Variants in SP140 observed in about 807,000 individuals in gnomAD.
SP140 encodes the protein nuclear body protein SP140.
In SP140, 81 loss-of-function variants were observed where a neutral mutation model predicts 125.0. The observed-to-expected ratio is 0.65, with a 90% CI of 0.54 to 0.78. The LOEUF is 0.78. Ranked by LOEUF, SP140 falls within the 30% of genes least tolerant of loss-of-function variation. The pLI is 0.00. For missense variants in SP140, 858 were observed against 1,037.0 expected (o/e 0.83, Z 2.37); for synonymous variants, 312 against 354.0 (o/e 0.88, Z 1.33).
chr2:230,281,632 A>G (rs555707609), intron 15 of SP140, among the ~76,000 whole-genome samples: 1 of 152,298 alleles, frequency 6.6e-6, no homozygotes, highest in East Asian at 1.9e-4. Flanking sequence ...TTGGCTTTTA[A>G]AAAACTTTAT....
intron 15 of SP140, among the ~76,000 whole-genome samples, chr2:230,282,341 A>G (rs1268883204): frequency 6.6e-6 from 1 of 152,138 alleles, no homozygotes; most frequent in Non-Finnish European, 1.5e-5. Flanking sequence ...CCTTGAAGTG[A>G]TACTCTGAGG....
At chr2:230,305,466 G>A (rs192587328) in intron 22 of SP140, among the ~76,000 whole-genome samples, 65 of 152,358 alleles carry the variant, frequency 4.3e-4, no homozygotes, top group African/African-American at 1.4e-3. Flanking sequence ...AGGTGCAGGC[G>A]CTGGCCGTGG....
At chr2:230,260,286 ATTGT>A (rs1228618145) in intron 12 of SP140, among the ~76,000 whole-genome samples, 3 of 151,356 alleles carry the variant, frequency 2.0e-5, no homozygotes, top group African/African-American at 4.9e-5. Context: ...TTTTGATGGG[ATTGT>A]TTGTTTTTTT....
intron 22 of SP140, among the ~76,000 whole-genome samples, chr2:230,298,554 C>T (rs1262019249): frequency 6.6e-6 from 1 of 152,170 alleles, no homozygotes; most frequent in Non-Finnish European, 1.5e-5. Context: ...TTAGGTTTCA[C>T]AGCTCACAGC....
At chr2:230,222,848 T>G (rs1053120965), upstream of SP140, among the ~76,000 whole-genome samples, 14 of 151,488 alleles carry the variant, frequency 9.2e-5, no homozygotes, top group South Asian at 2.1e-4. Flanking sequence ...AAGTTTTTTT[T>G]TTTTTTTTTT....
rs577494559 is a variant in SP140 at position 230,219,791 on chromosome 2, C to T, written c.-91+5717C>T. The T allele has an allele frequency of 3.5e-5, 13 of 372,342 alleles. No individual in the cohort carries two copies. In the East Asian group the frequency reaches 1.9e-3, roughly 55 times the overall value. The allele number at this position is 372,342 out of a possible 1,614,324, so 23.1% of individuals were successfully genotyped here. Reference sequence around the variant, plus strand: ...TCAGAGTTTAAATAGTTGAACTCCACCCTGCAGCTGCTGCCGCGAAGTTAA... The same window carrying T: ...TCAGAGTTTAAATAGTTGAACTCCATCCTGCAGCTGCTGCCGCGAAGTTAA... On this transcript the variant is annotated intron_variant, in intron 3 of 4. Transcript: ENST00000456542.
At chr2:230,269,244 T>G (rs1249586239) in intron 12 of SP140, among the ~76,000 whole-genome samples, 1 of 152,210 alleles carries the variant, frequency 6.6e-6, no homozygotes, top group Non-Finnish European at 1.5e-5. Context: ...TGCTTTTCAC[T>G]ATTGTCAAAG....
chr2:230,269,116 G>A (rs533707747), intron 12 of SP140, among the ~76,000 whole-genome samples: 1 of 152,146 alleles, frequency 6.6e-6, no homozygotes, highest in South Asian at 2.1e-4. Context: ...CTTTGTGGAG[G>A]GGGTGTTGCT....
chr2:230,274,824 AT>A (rs917272054), intron 15 of SP140, among the ~76,000 whole-genome samples: 17 of 151,492 alleles, frequency 1.1e-4, no homozygotes, highest in Non-Finnish European at 2.1e-4. Flanking sequence ...ATATTTCTAT[AT>A]TTTTTTCTAT....
rs894314964 is a variant in SP140, at chr2:230,294,862, C to CA, written c.2016+551dup. On this transcript the variant is annotated intron_variant, in intron 21 of 26. Transcript: ENST00000392045. ...ATCCTTCACATTCTCTTTCACCTTC[C>CA]AAAAAAATGTACACACAGACACACA... 1.8e-3 allele frequency among the ~76,000 whole-genome samples: 268 copies of CA among 152,230 alleles called. 2 individuals carry two copies. Among genetic ancestry groups the CA allele is most frequent in the African/African-American group, 6.0e-3 (251 of 41,532 alleles).
In SP140 at chr2:230,273,030, A is replaced by G. The variant is rs541466224; in HGVS notation, c.1498+2391A>G. ...AGGCAATACCATTCAGGACATAGGC[A>G]TGGGCAAAGAGTTCATGACAAAGAT... On this transcript the variant is annotated intron_variant, in intron 15 of 26. Transcript: ENST00000392045. Among the ~76,000 whole-genome samples the G allele has an allele frequency of 2.1e-4, 32 of 152,362 alleles. No homozygotes were observed. In the Middle Eastern group the frequency reaches 0.01, roughly 49 times the overall value.
intron 22 of SP140, among the ~76,000 whole-genome samples, chr2:230,305,585 G>A (rs1411277168): frequency 1.3e-5 from 2 of 152,246 alleles, no homozygotes; most frequent in African/African-American, 2.4e-5. Context: ...CGTAGGGCGT[G>A]GTCAGGCAGG....
At chr2:230,208,199 G>T in intron 1 of SP140, 1 of 623,868 alleles carries the variant, frequency 1.6e-6, no homozygotes, top group African/African-American at 1.8e-5. Context: ...GGTACTTCAG[G>T]GAGTAATAGG....
chr2:230,312,770 T>C lies in SP140; in HGVS notation c.*86T>C, dbSNP rs548153389. ...GCCACTGACTTCAAAATGAGGTCACTTGGGCACAGCACATGCAGGGAGGGG... is the reference window on the plus strand; with the variant it reads ...GCCACTGACTTCAAAATGAGGTCACCTGGGCACAGCACATGCAGGGAGGGG... On this transcript the variant is annotated 3_prime_UTR_variant, in exon 27 of 27. Coordinates refer to ENST00000392045, the MANE Select transcript of SP140 (RefSeq NM_007237.5). The C allele has an allele frequency of 2.4e-5, 23 of 957,868 alleles. No homozygotes were observed. The highest frequency in any genetic ancestry group is 3.2e-5 in the African/African-American group (2 of 61,700). The allele number at this position is 957,868 out of a possible 1,614,324, so 59.3% of individuals were successfully genotyped here. A position where few individuals can be genotyped will look rare whatever the true frequency, so the allele number is the denominator to read the frequency against.
chr2:230,247,021 T>C (rs756448300), intron 7 of SP140, among the ~76,000 whole-genome samples: 4 of 152,126 alleles, frequency 2.6e-5, no homozygotes, highest in Non-Finnish European at 1.5e-5. Flanking sequence ...GAATGAGACA[T>C]GTTAGCAGCG....
At chr2:230,290,925 C>T (rs2057040368) in intron 19 of SP140, among the ~76,000 whole-genome samples, 1 of 152,166 alleles carries the variant, frequency 6.6e-6, no homozygotes, top group Non-Finnish European at 1.5e-5. Flanking sequence ...GGGCAGGGTG[C>T]TTGGTATAGG....
intron 3 of SP140, chr2:230,219,891 C>G: frequency 1.0e-6 from 1 of 984,480 alleles, no homozygotes; most frequent in Middle Eastern, 5.2e-4. Flanking sequence ...TTGAGTTTGT[C>G]GTTCCTGCCC....
chr2:230,226,439 C>T (rs992037612), intron 1 of SP140, among the ~76,000 whole-genome samples: 7 of 151,976 alleles, frequency 4.6e-5, no homozygotes, highest in Admixed American at 1.3e-4. Context: ...TGAGACCCAA[C>T]AAAAAAGGCA....
chr2:230,292,828 G>C, intron 20 of SP140, 40 bp downstream of exon 20: 1 of 1,611,868 alleles, frequency 6.2e-7, no homozygotes, highest in Non-Finnish European at 8.5e-7. Context: ...GTTCCTTCTT[G>C]TTCCCTAATA....
Sources: allele counts gnomAD v4.1 joint callset (sites outside exome capture counted in the v4.1 genomes callset), GRCh38; gene constraint gnomAD v4.1.1; transcripts MANE v1.5; gene names NCBI Gene and HGNC (gene_info 2026-07-23, HGNC 2026-07-21).